Variants in LRCH2 observed in about 807,000 individuals in gnomAD.
LRCH2 encodes the protein leucine rich repeats and calponin homology domain containing 2.
LRCH2 carries 38 observed loss-of-function variants against 68.9 expected under a neutral mutation model. The ratio of observed to expected loss-of-function variants is 0.55; its 90% confidence interval spans 0.43 to 0.72. The LOEUF is 0.72. LRCH2 is among the 30% of genes least tolerant of loss of function. The pLI, the probability that LRCH2 is intolerant of heterozygous loss-of-function variation, is 0.00. For missense variants in LRCH2, 528 were observed against 572.9 expected (o/e 0.92, Z 0.80); for synonymous variants, 191 against 208.1 (o/e 0.92, Z 0.71).
At chrX:115,148,353 T>C (rs782721813) in intron 14 of LRCH2, among the ~76,000 whole-genome samples, 22 of 112,047 alleles carry the variant, frequency 2.0e-4, no homozygotes, top group Non-Finnish European at 3.2e-4. Flanking sequence ...GGACAGTGCC[T>C]GGCACTTAAT....
chrX:115,171,584 T>A (rs782731504), intron 5 of LRCH2, among the ~76,000 whole-genome samples: 1 of 111,556 alleles, frequency 9.0e-6, no homozygotes. Context: ...TAACTTTTTA[T>A]CATAGTACTT....
At chrX:115,139,249 T>C (rs1470870748) in intron 14 of LRCH2, 5 of 111,735 alleles carry the variant, frequency 4.5e-5, no homozygotes, top group African/African-American at 1.3e-4. Context: ...ACAATGATCA[T>C]AGAAAATGTG....
chrX:115,164,532 A>AC (rs1178946835), intron 10 of LRCH2, among the ~76,000 whole-genome samples: 2 of 111,648 alleles, frequency 1.8e-5, no homozygotes, highest in African/African-American at 3.2e-5. Flanking sequence ...TCCTTACAGG[A>AC]CATCAGAGAT....
At chrX:115,144,436 C>G (rs1426662389) in intron 14 of LRCH2, among the ~76,000 whole-genome samples, 3 of 110,295 alleles carry the variant, frequency 2.7e-5, no homozygotes, top group Non-Finnish European at 3.8e-5. Flanking sequence ...CAACACAATA[C>G]TAGGAGTCCC....
In LRCH2 at chrX:115,156,683, C is replaced by T; in HGVS notation, c.1464-16G>A. ...ATTAAGAATCCTAGAAGTAAATCAA[C>T]ACATTAATTCCCAAATCTATTAAGA... On this transcript the variant is annotated splice_polypyrimidine_tract_variant and intron_variant, in intron 11 of 20. Coordinates refer to ENST00000317135, the MANE Select transcript of LRCH2 (RefSeq NM_020871.4). 1 of 1,046,240 alleles carries T rather than the reference C, an allele frequency of 9.6e-7. No homozygotes were observed. The highest frequency in any genetic ancestry group is 1.3e-6 in the Non-Finnish European group (1 of 786,944). 86.2% of individuals were successfully genotyped at this position (1,046,240 alleles called of 1,213,427 possible). A position where few individuals can be genotyped will look rare whatever the true frequency, so the allele number is the denominator to read the frequency against.
At chrX:115,179,367 T>A in intron 5 of LRCH2, 60 bp downstream of exon 5, 1 of 945,740 alleles carries the variant, frequency 1.1e-6, no homozygotes, top group South Asian at 3.4e-5. Flanking sequence ...TTACCAGTCA[T>A]AAACAGATAA....
intron 1 of LRCH2, among the ~76,000 whole-genome samples, chrX:115,226,578 G>C (rs782615296): frequency 9.9e-5 from 11 of 111,091 alleles, no homozygotes; most frequent in Middle Eastern, 9.3e-3. Context: ...AAGGAATAGA[G>C]GAGAATCTGA....
chrX:115,222,177 G>GA (rs1183029019), intron 1 of LRCH2, among the ~76,000 whole-genome samples: 2 of 111,284 alleles, frequency 1.8e-5, no homozygotes, highest in African/African-American at 6.5e-5. Flanking sequence ...CGATAGAACA[G>GA]AAAAAGCCTT....
At chrX:115,183,979 T>C (rs1336235721) in intron 3 of LRCH2, among the ~76,000 whole-genome samples, 1 of 112,309 alleles carries the variant, frequency 8.9e-6, no homozygotes, top group Admixed American at 9.5e-5. Flanking sequence ...TAACGTCACA[T>C]AAGCAAACAG....
chrX:115,170,335 A>C lies in LRCH2; in HGVS notation c.962T>G (p.Leu321Trp). ...AGGCTGTGAGGGCATTCGTTTACTC[A>C]ATGATGGAAGATCCAGGGAATCTGG... The part of the protein sequence containing the change: ...KKPDSLDLPS[L>W]SKRMPSQPLT... Residue 321 changes from leucine (L) to tryptophan (W), a missense_variant, in exon 6 of 21, where the codon TTG (leucine) becomes TGG (tryptophan). Coordinates refer to ENST00000317135, the MANE Select transcript of LRCH2 (RefSeq NM_020871.4). 2 of 1,181,734 alleles carry C rather than the reference A, an allele frequency of 1.7e-6. No individual in the cohort carries two copies. The highest frequency in any genetic ancestry group is 4.8e-5 in the Admixed American group (2 of 41,416).
chrX:115,132,942 G>C (rs1430206079), intron 14 of LRCH2, among the ~76,000 whole-genome samples: 1 of 111,173 alleles, frequency 9.0e-6, no homozygotes, highest in Non-Finnish European at 1.9e-5. Flanking sequence ...TTGCTCAAAC[G>C]CCTTACTCCA....
At chrX:115,197,667 A>G (rs1360246318) in intron 1 of LRCH2, among the ~76,000 whole-genome samples, 1 of 108,957 alleles carries the variant, frequency 9.2e-6, no homozygotes, top group Non-Finnish European at 1.9e-5. Context: ...CAGGAGGATC[A>G]CTTGAGTCCA....
At chrX:115,117,955 A>G (rs1417654389) in intron 20 of LRCH2, among the ~76,000 whole-genome samples, 1 of 108,198 alleles carries the variant, frequency 9.2e-6, no homozygotes, top group Non-Finnish European at 1.9e-5. Context: ...AGGCTGTTAA[A>G]AATTGGAAAA....
chrX:115,180,976 G>A (rs1556552336), intron 3 of LRCH2, among the ~76,000 whole-genome samples: 1 of 111,295 alleles, frequency 9.0e-6, no homozygotes, highest in African/African-American at 3.3e-5. Context: ...AAAGATAACA[G>A]GGTAGGAAAA....
intron 1 of LRCH2, chrX:115,189,493 A>G: frequency 8.5e-7 from 1 of 1,182,059 alleles, no homozygotes; most frequent in Non-Finnish European, 1.1e-6. Context: ...CCTCAACCTC[A>G]AAACCGACGA....
chrX:115,231,362 A>G (rs782819192), intron 1 of LRCH2, among the ~76,000 whole-genome samples: 1 of 111,582 alleles, frequency 9.0e-6, no homozygotes, highest in East Asian at 2.8e-4. Context: ...AACACACTCT[A>G]TTTTTCTTCA....
intron 3 of LRCH2, 119 bp from the exon 4 acceptor site, chrX:115,179,870 T>A (rs782706027): frequency 8.9e-6 from 2 of 224,864 alleles, no homozygotes; most frequent in South Asian, 1.8e-4. Flanking sequence ...AGTTATCCTC[T>A]AATGTCATTG....
chrX:115,153,615 A>C (rs1044880088), intron 12 of LRCH2, among the ~76,000 whole-genome samples: 4 of 111,199 alleles, frequency 3.6e-5, no homozygotes. Flanking sequence ...AAAAAGTAAA[A>C]TGTATGACAA....
At chrX:115,188,504 C>T in intron 1 of LRCH2, 134 bp from the exon 2 acceptor site, 1 of 445,537 alleles carries the variant, frequency 2.2e-6, no homozygotes, top group Non-Finnish European at 3.5e-6. Context: ...TATTATCCAT[C>T]AATACCTTGA....
Sources: allele counts gnomAD v4.1 joint callset (sites outside exome capture counted in the v4.1 genomes callset), GRCh38; gene constraint gnomAD v4.1.1; transcripts MANE v1.5; gene names NCBI Gene and HGNC (gene_info 2026-07-23, HGNC 2026-07-21).